Variants in RNF31 observed in about 807,000 individuals in gnomAD.
RNF31 encodes E3 ubiquitin-protein ligase RNF31.
Under a neutral mutation model 133.6 loss-of-function variants are expected in RNF31, and 38 were observed. The observed-to-expected ratio is 0.28, with a 90% confidence interval of 0.22 to 0.37. The LOEUF is 0.37. Among genes scored for constraint, RNF31 ranks in the 10% least tolerant of loss-of-function variants. The pLI is 1.00. For synonymous variants in RNF31, 582 were observed against 552.3 expected, an observed-to-expected ratio of 1.05 and a Z score of -0.75; for missense variants, 1,118 against 1,394.1, an observed-to-expected ratio of 0.80 and a Z score of 3.15.
Position 24,159,845 on chromosome 14 carries a change from C to T in RNF31, c.2900-19C>T. 6.2e-7 allele frequency: 1 copy of T among 1,606,486 alleles called. No individual in the cohort carries two copies. The highest frequency in any genetic ancestry group is 8.5e-7 in the Non-Finnish European group (1 of 1,173,544). On this transcript the variant is annotated intron_variant, in intron 18 of 20. Coordinates refer to ENST00000324103, the MANE Select transcript of RNF31 (RefSeq NM_017999.5). The stretch of plus-strand genomic sequence containing the variant: ...TCATTGGCCTCCCAACAGAGGCTCC[C>T]TTCTTCCCTCACCTTTAGGCGGCTG...
rs1594373707 is a variant in RNF31 at position 24,148,395 on chromosome 14, G to T, written c.477G>T (p.Glu159Asp). The stretch of plus-strand genomic sequence containing the variant: ...TGGAAGTACTGCTGCTTCGGACAGA[G>T]CTCAGCCTGCTATTGCAGGTGAGAT... The part of the protein sequence containing the change: ...VTLEVLLLRT[E>D]LSLLLQNTHP... The change falls in exon 3 of 21, where the codon GAG becomes GAT. Residue 159 changes from glutamate (E) to aspartate (D), a missense_variant. Physicochemically the swap from Glu to Asp is conservative, Grantham distance 45. Coordinates refer to ENST00000324103, the MANE Select transcript of RNF31 (RefSeq NM_017999.5). 3 of 1,614,124 alleles carry T rather than the reference G, an allele frequency of 1.9e-6. No homozygotes were observed. Among genetic ancestry groups the T allele is most frequent in the African/African-American group, 2.7e-5 (2 of 75,026 alleles).
In RNF31 at chr14:24,148,426, T is replaced by G; in HGVS notation, c.495+13T>G. 1.2e-6 allele frequency: 2 copies of G among 1,613,718 alleles called. No individual in the cohort carries two copies. The highest frequency in any genetic ancestry group is 1.7e-6 in the Non-Finnish European group (2 of 1,179,982). The stretch of plus-strand genomic sequence containing the variant: ...CCTGCTATTGCAGGTGAGATGCTCC[T>G]CTAGTCTTGATGGACTTATGCACCA... On this transcript the variant is annotated intron_variant, in intron 3 of 20. Coordinates refer to ENST00000324103, the MANE Select transcript of RNF31 (RefSeq NM_017999.5).
chr14:24,153,807 G>A (rs2038302954), intron 11 of RNF31, among the ~76,000 whole-genome samples: 1 of 151,688 alleles, frequency 6.6e-6, no homozygotes, highest in African/African-American at 2.4e-5. Flanking sequence ...GGGAGGCTGA[G>A]GCAGGAAAAT....
At chr14:24,158,286 G>T in intron 18 of RNF31, 87 bp downstream of exon 18, 1 of 1,316,972 alleles carries the variant, frequency 7.6e-7, no homozygotes. Context: ...TTGGGTCTGG[G>T]GTCACTTGTT....
intron 14 of RNF31, among the ~76,000 whole-genome samples, chr14:24,156,233 G>A (rs1371286128): frequency 6.6e-6 from 1 of 152,216 alleles, no homozygotes; most frequent in Non-Finnish European, 1.5e-5. Flanking sequence ...TGGAGGCCAC[G>A]TGAAGCAGGC....
At chr14:24,153,346 A>G (rs769185885) in intron 11 of RNF31, among the ~76,000 whole-genome samples, 12 of 152,142 alleles carry the variant, frequency 7.9e-5, no homozygotes, top group Admixed American at 1.3e-4. Context: ...TGGGAGGCCA[A>G]CGTGGGTGGA....
intron 5 of RNF31, 139 bp downstream of exon 5, chr14:24,149,015 G>A: frequency 1.2e-6 from 1 of 820,438 alleles, no homozygotes; most frequent in South Asian, 1.5e-5. Flanking sequence ...CCAGGCTGGA[G>A]TGCAATGGTG....
At position 24,155,114 on chromosome 14, in the gene RNF31, C is replaced by A; in HGVS notation, c.2131-43C>A. ...CACTGCCTCTTCCCTAGCCTGGCAGCTGTGGCTTCTGACCCCCTCCCCTCC... is the reference window on the plus strand; with the variant it reads ...CACTGCCTCTTCCCTAGCCTGGCAGATGTGGCTTCTGACCCCCTCCCCTCC... On this transcript the variant is annotated intron_variant, in intron 11 of 20. Coordinates refer to ENST00000324103, the MANE Select transcript of RNF31 (RefSeq NM_017999.5). The surrounding 1 kb of genome is among the most constrained non-coding windows in gnomAD (Gnocchi z 4.9). The A allele has an allele frequency of 1.3e-6, 2 of 1,591,772 alleles. No individual in the cohort carries two copies. Among genetic ancestry groups the A allele is most frequent in the East Asian group, 4.5e-5 (2 of 44,540 alleles).
In RNF31 at chr14:24,159,872, C is replaced by T; in HGVS notation, c.2908C>T (p.Arg970Ter). Residue 970 changes from arginine to a stop codon, truncating the protein, a stop_gained, in exon 19 of 21, where the codon CGA becomes TGA. Transcript: ENST00000324103. LOFTEE classifies it high-confidence loss of function. ...GARAVPGGGC[R>*]VIEQKEVPNG... ...TCTTCCCTCACCTTTAGGCGGCTGCCGAGTGATAGAGCAGAAGGAGGTTCC... is the reference window on the plus strand; with the variant it reads ...TCTTCCCTCACCTTTAGGCGGCTGCTGAGTGATAGAGCAGAAGGAGGTTCC... 3 of 1,613,874 alleles carry T rather than the reference C, an allele frequency of 1.9e-6. No individual in the cohort carries two copies. Among genetic ancestry groups the T allele is most frequent in the Non-Finnish European group, 2.5e-6 (3 of 1,179,842 alleles).
rs1594383386 is a variant in RNF31, at chr14:24,157,930, G to C, written c.2760G>C (p.Lys920Asn). 1.9e-6 allele frequency: 3 copies of C among 1,614,106 alleles called. No homozygotes were observed. In the East Asian group the frequency reaches 6.7e-5, roughly 36 times the overall value. Reference protein sequence around the residue: ...KCPEPNCRVKKSLHGHHPRDC... With the variant: ...KCPEPNCRVKNSLHGHHPRDC... ...CAGAGCCTAACTGCAGGGTGAAAAA[G>C]TCCCTGCACGGCCACCACCCTCGAG... The change falls in exon 17 of 21, where the codon AAG (lysine) becomes AAC (asparagine). Residue 920 changes from lysine (K) to asparagine (N), a missense_variant. By Grantham distance (94) the Lys-to-Asn change is moderately conservative. Around this residue, in one of 3 missense-constraint regions of RNF31, gnomAD observed 201 missense variants for 371.7 expected, o/e 0.54. Coordinates refer to ENST00000324103, the MANE Select transcript of RNF31 (RefSeq NM_017999.5).
Position 24,151,947 on chromosome 14 carries a change from T to C in RNF31, c.2085T>C (p.Leu695=), listed in dbSNP as rs1263309100. The C allele has an allele frequency of 6.2e-7, 1 of 1,614,054 alleles. No individual in the cohort carries two copies. Among genetic ancestry groups the C allele is most frequent in the Admixed American group, 1.7e-5 (1 of 60,004 alleles). Residue 695 remains leucine (L), a synonymous_variant, in exon 11 of 21, where the codon CTT becomes CTC. Transcript: ENST00000324103. This position sits in a 1 kb window ranked among gnomAD's most constrained non-coding sequence, Gnocchi z 5.3. The stretch of plus-strand genomic sequence containing the variant: ...ACCGGGCCTTCCTGCGCCGCTTGCT[T>C]GCCCAGGAGTGTGCCGTGTGTGGCT... ...SQDRAFLRRL[L]AQECAVCGWA... is the part of the protein sequence containing the mutation.
In RNF31 at chr14:24,160,635, C is replaced by A; in HGVS notation, c.*62C>A. The A allele has an allele frequency of 7.8e-7, 1 of 1,284,026 alleles. No individual in the cohort carries two copies. The highest frequency in any genetic ancestry group is 1.0e-6 in the Non-Finnish European group (1 of 966,692). The allele number at this position is 1,284,026 out of a possible 1,614,324, so 79.5% of individuals were successfully genotyped here. The stretch of plus-strand genomic sequence containing the variant: ...GCTCCCTCAGGAACAGCTCCAGCAC[C>A]AATAAAGAGGCATCTTACCACCCAG... On this transcript the variant is annotated 3_prime_UTR_variant, in exon 21 of 21. Transcript: ENST00000324103. The surrounding 1 kb of genome is among the most constrained non-coding windows in gnomAD (Gnocchi z 4.0).
chr14:24,157,246 G>A, intron 14 of RNF31, 44 bp from the exon 15 acceptor site: 1 of 1,453,230 alleles, frequency 6.9e-7, no homozygotes, highest in Non-Finnish European at 9.4e-7. Context: ...AAGGCCAGGG[G>A]ATGGGATAGA....
chr14:24,150,141 C>T lies in RNF31; in HGVS notation c.890C>T (p.Pro297Leu), dbSNP rs1382424561. ...LGDSSLSSPN[P>L]ASAHLPWHCA... ...GACAGCTCTCTTTCTTCCCCTAATC[C>T]TGCAAGTGCTCATTTGCCCTGGCAC... The change falls in exon 7 of 21, where the codon CCT becomes CTT. Residue 297 changes from proline to leucine, a missense_variant. This residue lies in a region of RNF31 where 747 missense variants were observed against 827.9 expected (regional missense o/e 0.90). Transcript: ENST00000324103. The T allele has an allele frequency of 1.2e-6, 2 of 1,612,726 alleles. No individual in the cohort carries two copies.
chr14:24,158,462 T>A (rs2038380064), intron 18 of RNF31: 3 of 522,660 alleles, frequency 5.7e-6, no homozygotes, highest in Non-Finnish European at 1.0e-5. Context: ...TCCCAAATGA[T>A]CATAATTAAT....
chr14:24,157,430 T>G, intron 15 of RNF31, 26 bp downstream of exon 15: 1 of 1,605,134 alleles, frequency 6.2e-7, no homozygotes. Context: ...TCGGCCTGTT[T>G]GCTCAGAAGC....
At chr14:24,148,441 C>G in intron 3 of RNF31, 28 bp downstream of exon 3, 1 of 1,613,726 alleles carries the variant, frequency 6.2e-7, no homozygotes, top group Non-Finnish European at 8.5e-7. Flanking sequence ...TCTTGATGGA[C>G]TTATGCACCA....
rs774958382 is a variant in RNF31 at position 24,160,617 on chromosome 14, C to T, written c.*44C>T. ...ATGAGGGTCCCATGGCCTGCTCCCT[C>T]AGGAACAGCTCCAGCACCAATAAAG... On this transcript the variant is annotated 3_prime_UTR_variant, in exon 21 of 21. Transcript: ENST00000324103. This position sits in a 1 kb window ranked among gnomAD's most constrained non-coding sequence, Gnocchi z 4.0. The T allele has an allele frequency of 2.1e-6, 3 of 1,452,170 alleles. No individual in the cohort carries two copies. In the Admixed American group the frequency reaches 7.1e-5, roughly 35 times the overall value. 90.0% of individuals were successfully genotyped at this position (1,452,170 alleles called of 1,614,324 possible).
At chr14:24,156,662 C>T (rs1373480261) in intron 14 of RNF31, among the ~76,000 whole-genome samples, 1 of 151,938 alleles carries the variant, frequency 6.6e-6, no homozygotes, top group Non-Finnish European at 1.5e-5. Flanking sequence ...GCCTGTAATC[C>T]CAACTACTCT....
Sources: allele counts gnomAD v4.1 joint callset (sites outside exome capture counted in the v4.1 genomes callset), GRCh38; gene constraint gnomAD v4.1.1; regional missense constraint gnomAD v4.1.1; non-coding constraint Gnocchi (gnomAD v3.1); transcripts MANE v1.5; gene names NCBI Gene and HGNC (gene_info 2026-07-23, HGNC 2026-07-21).